TMPRSS12: variants seen among roughly 807,000 people sequenced by gnomAD.
The protein encoded by TMPRSS12 is transmembrane serine protease 12.
In TMPRSS12, 25 loss-of-function variants were observed where a neutral mutation model predicts 26.0. The ratio of observed to expected loss-of-function variants is 0.96; its 90% CI spans 0.70 to 1.34. TMPRSS12 has a LOEUF of 1.34. Ranked by LOEUF, TMPRSS12 falls within the 40% of genes most tolerant of loss-of-function variation. TMPRSS12 has a pLI of 0.00. For missense variants in TMPRSS12, 441 were observed against 440.1 expected (o/e 1.00, Z -0.02); for synonymous variants, 150 against 161.7 (o/e 0.93, Z 0.55).
chr12:50,883,727 G>T (rs1306303353), intron 3 of TMPRSS12, among the ~76,000 whole-genome samples: 1 of 152,080 alleles, frequency 6.6e-6, no homozygotes, highest in East Asian at 1.9e-4. Context: ...GTCTCAGCTG[G>T]GTGCAGTGGC....
intron 3 of TMPRSS12, among the ~76,000 whole-genome samples, chr12:50,876,779 G>C (rs1287609956): frequency 7.1e-6 from 1 of 140,274 alleles, no homozygotes; most frequent in Non-Finnish European, 1.5e-5. Context: ...ACTCCAGCCT[G>C]GGTGACAGAT....
At chr12:50,884,273 T>C (rs552404689) in intron 3 of TMPRSS12, among the ~76,000 whole-genome samples, 1 of 152,250 alleles carries the variant, frequency 6.6e-6, no homozygotes, top group South Asian at 2.1e-4. Context: ...CCAAGTGTGT[T>C]AATACTAGAA....
At chr12:50,880,590 T>C (rs1180939280) in intron 3 of TMPRSS12, among the ~76,000 whole-genome samples, 1 of 152,184 alleles carries the variant, frequency 6.6e-6, no homozygotes, top group Non-Finnish European at 1.5e-5. Context: ...AAGTTAAATA[T>C]GCACTTACCC....
intron 2 of TMPRSS12, among the ~76,000 whole-genome samples, chr12:50,856,828 G>A (rs951492881): frequency 2.7e-5 from 4 of 149,994 alleles, no homozygotes; most frequent in Admixed American, 1.3e-4. Context: ...TGGGACTACA[G>A]GCATGTGCCA....
chr12:50,859,205 T>C (rs1421749661), intron 3 of TMPRSS12, among the ~76,000 whole-genome samples, 152 bp downstream of exon 3: 2 of 151,056 alleles, frequency 1.3e-5, no homozygotes, highest in African/African-American at 2.4e-5. Flanking sequence ...TATTTTTCCG[T>C]ATTTTTATGG....
intron 3 of TMPRSS12, among the ~76,000 whole-genome samples, chr12:50,880,965 T>A (rs1047965358): frequency 8.5e-6 from 1 of 117,090 alleles, no homozygotes; most frequent in Admixed American, 9.6e-5. Flanking sequence ...ATCAGTAATT[T>A]CTTTTTTTTT....
intron 3 of TMPRSS12, among the ~76,000 whole-genome samples, chr12:50,877,192 C>G (rs995910998): frequency 6.6e-6 from 1 of 152,050 alleles, no homozygotes; most frequent in African/African-American, 2.4e-5. Context: ...CTAGGTAACA[C>G]GTATCCCCTG....
At chr12:50,884,905 G>A (rs1187723616) in intron 3 of TMPRSS12, among the ~76,000 whole-genome samples, 1 of 150,330 alleles carries the variant, frequency 6.7e-6, no homozygotes, top group Non-Finnish European at 1.5e-5. Flanking sequence ...TTAGCCAGGT[G>A]TGGTGTTGCA....
Position 50,843,974 on chromosome 12 carries a change from G to A in TMPRSS12, c.320G>A (p.Cys107Tyr), listed in dbSNP as rs1244213757. The change falls in exon 2 of 5, where the codon TGT (cysteine) becomes TAT (tyrosine). Residue 107 changes from cysteine to tyrosine, a missense_variant. Coordinates refer to ENST00000398458, the MANE Select transcript of TMPRSS12 (RefSeq NM_182559.3). ...IKYGRVLVHV[C>Y]GGTLVRERWV... ...TATGGCCGTGTTCTTGTTCATGTAT[G>A]TGGGGGAACCCTAGTGAGAGAGAGG... 1.9e-6 allele frequency: 3 copies of A among 1,608,244 alleles called. No individual in the cohort carries two copies. In the South Asian group the frequency reaches 3.3e-5, roughly 18 times the overall value.
chr12:50,844,057 C>A lies in TMPRSS12; in HGVS notation c.383+20C>A. 2 of 1,498,586 alleles carry A rather than the reference C, an allele frequency of 1.3e-6. No homozygotes were observed. Among genetic ancestry groups the A allele is most frequent in the Non-Finnish European group, 1.8e-6 (2 of 1,124,792 alleles). The allele number at this position is 1,498,586 out of a possible 1,614,324, so 92.8% of individuals were successfully genotyped here. A position where few individuals can be genotyped will look rare whatever the true frequency, so the allele number is the denominator to read the frequency against. ...CGCTAGGTACGTATTCAGAACACAA[C>A]TATTTTTATGCTCTTAGGGGATATT... is the stretch of plus-strand genomic sequence containing the variant. On this transcript the variant is annotated intron_variant, in intron 2 of 4. Coordinates refer to ENST00000398458, the MANE Select transcript of TMPRSS12 (RefSeq NM_182559.3).
chr12:50,881,360 G>C (rs1001565079), intron 3 of TMPRSS12, among the ~76,000 whole-genome samples: 1 of 152,060 alleles, frequency 6.6e-6, no homozygotes, highest in African/African-American at 2.4e-5. Context: ...GTGAGGTGAA[G>C]GAAATACTCT....
Position 50,859,010 on chromosome 12 carries a change from C to T in TMPRSS12, c.609C>T (p.Asn203=). 6.2e-7 allele frequency: 1 copy of T among 1,603,078 alleles called. No individual in the cohort carries two copies. The highest frequency in any genetic ancestry group is 8.5e-7 in the Non-Finnish European group (1 of 1,175,528). Residue 203 remains asparagine, a synonymous_variant, in exon 3 of 5, where the codon AAC becomes AAT. Transcript: ENST00000398458. The stretch of plus-strand genomic sequence containing the variant: ...ATGTTTTCCAAATCCTGGACGGAAA[C>T]ACAAAGTGTTTTATAAGTGGCTGGG... ...PFDVFQILDG[N]TKCFISGWGR...
chr12:50,844,619 C>T (rs1937750853), intron 2 of TMPRSS12, among the ~76,000 whole-genome samples: 1 of 152,116 alleles, frequency 6.6e-6, no homozygotes. Context: ...ACGTGATCTG[C>T]CCGCCTCAGC....
intron 3 of TMPRSS12, among the ~76,000 whole-genome samples, chr12:50,863,819 G>A (rs1937961906): frequency 6.6e-6 from 1 of 151,640 alleles, no homozygotes; most frequent in Admixed American, 6.6e-5. Context: ...CTGTTTTTTT[G>A]TGGTGGTTTC....
chr12:50,845,882 T>C, intron 2 of TMPRSS12, among the ~76,000 whole-genome samples: 1 of 152,244 alleles, frequency 6.6e-6, no homozygotes, highest in South Asian at 2.1e-4. Flanking sequence ...TTTCCCAAAT[T>C]ACTAGTGATG....
At chr12:50,848,693 C>T (rs1937796810) in intron 2 of TMPRSS12, among the ~76,000 whole-genome samples, 1 of 152,176 alleles carries the variant, frequency 6.6e-6, no homozygotes, top group Admixed American at 6.5e-5. Context: ...CAGGTGATAC[C>T]ACCATTGCTC....
Position 50,877,196 on chromosome 12 carries a change from TC to T in TMPRSS12, c.653-8046del, listed in dbSNP as rs527797816. On this transcript the variant is annotated intron_variant, in intron 3 of 4. Transcript: ENST00000398458. ...CATGCATATATCTAGGTAACACGTATCCCCTGAATCTGAAATAAAAGTTGAA... is the reference window on the plus strand; with the variant it reads ...CATGCATATATCTAGGTAACACGTATCCCTGAATCTGAAATAAAAGTTGAA... 1.6e-3 allele frequency among the ~76,000 whole-genome samples: 242 copies of T among 152,182 alleles called. 1 individual carries two copies. Among genetic ancestry groups the T allele is most frequent in the African/African-American group, 5.6e-3 (231 of 41,506 alleles).
At chr12:50,870,024 A>T (rs1014689417) in intron 3 of TMPRSS12, among the ~76,000 whole-genome samples, 1 of 152,188 alleles carries the variant, frequency 6.6e-6, no homozygotes, top group Non-Finnish European at 1.5e-5. Context: ...CGGAGGTTGC[A>T]GTGAGCTGAG....
intron 3 of TMPRSS12, among the ~76,000 whole-genome samples, chr12:50,880,158 A>G (rs1296409217): frequency 6.6e-6 from 1 of 152,034 alleles, no homozygotes. Flanking sequence ...GTGCTTTGGG[A>G]GGCCAAGGTG....
Sources: gnomAD v4.1 joint callset for allele counts (sites outside exome capture counted in the v4.1 genomes callset) on GRCh38, gnomAD v4.1.1 for gene constraint, MANE v1.5 for transcripts, NCBI Gene and HGNC (gene_info 2026-07-23, HGNC 2026-07-21) for gene names.